The following COTL1 variants were observed in gnomAD, a reference collection of about 807,000 sequenced individuals.
COTL1 encodes the protein coactosin like F-actin binding protein 1, also known as coactosin-like protein.
Under a neutral mutation model 16.5 loss-of-function variants are expected in COTL1, and 15 were observed. The ratio of observed to expected loss-of-function variants is 0.91; its 90% confidence interval spans 0.61 to 1.40. The LOEUF (loss-of-function observed/expected upper bound fraction) is 1.40, where lower values mean the gene tolerates loss of function less well. Ranked by LOEUF, COTL1 falls within the 40% of genes most tolerant of loss-of-function variation. The pLI is 0.00. For missense variants in COTL1, 220 were observed against 201.5 expected (o/e 1.09, Z -0.56); for synonymous variants, 112 against 85.3 (o/e 1.31, Z -1.73).
chr16:84,571,691 C>T (rs1474456363), intron 3 of COTL1, among the ~76,000 whole-genome samples: 2 of 152,206 alleles, frequency 1.3e-5, no homozygotes, highest in African/African-American at 4.8e-5. Context: ...GTCACCTCAC[C>T]GGCAGACTGG....
In COTL1 at chr16:84,608,704, G is replaced by A. The variant is rs546721790; in HGVS notation, c.160+8797C>T. On this transcript the variant is annotated intron_variant, in intron 2 of 3. Coordinates refer to ENST00000262428, the MANE Select transcript of COTL1 (RefSeq NM_021149.5). ...GTGGATCGCTTGAGCCCAGGAGTTC[G>A]AGACCTGCCTGGACAACATAGTGAA... Among the ~76,000 whole-genome samples, 15 of 152,294 alleles carry A rather than the reference G, an allele frequency of 9.8e-5. No homozygotes were observed. In the East Asian group the frequency reaches 2.5e-3, roughly 25 times the overall value.
intron 3 of COTL1, chr16:84,576,402 CATTGT>C (rs1236231908): frequency 6.6e-6 from 1 of 152,178 alleles, no homozygotes; most frequent in Non-Finnish European, 1.5e-5. Flanking sequence ...AACTGATCTT[CATTGT>C]ATTGAAAGAC....
intron 2 of COTL1, among the ~76,000 whole-genome samples, chr16:84,610,467 G>A (rs185919935): frequency 6.2e-4 from 95 of 152,258 alleles, no homozygotes; most frequent in Non-Finnish European, 1.0e-3. Context: ...TGAGCTCCAA[G>A]CCCTCATTAT....
At chr16:84,614,974 T>C (rs1876969550) in intron 2 of COTL1, among the ~76,000 whole-genome samples, 1 of 152,176 alleles carries the variant, frequency 6.6e-6, no homozygotes, top group African/African-American at 2.4e-5. Flanking sequence ...GGGCCTCCGT[T>C]TCCTCATCTG....
At chr16:84,575,699 C>G (rs1019056213) in intron 3 of COTL1, 4 of 152,180 alleles carry the variant, frequency 2.6e-5, no homozygotes, top group Non-Finnish European at 5.9e-5. Flanking sequence ...CAGGTTTAAA[C>G]CCCAGCATGC....
intron 3 of COTL1, among the ~76,000 whole-genome samples, chr16:84,585,411 G>A (rs886565584): frequency 6.6e-6 from 1 of 151,294 alleles, no homozygotes; most frequent in African/African-American, 2.4e-5. Flanking sequence ...CAATGACCGT[G>A]CAATTAATTT....
intron 3 of COTL1, among the ~76,000 whole-genome samples, chr16:84,587,526 C>T (rs186902324): frequency 9.9e-4 from 151 of 152,248 alleles, no homozygotes; most frequent in African/African-American, 3.4e-3. Context: ...TAGTACATGA[C>T]GGTACACTTG....
At chr16:84,582,439 C>G (rs1368929712) in intron 3 of COTL1, among the ~76,000 whole-genome samples, 2 of 152,206 alleles carry the variant, frequency 1.3e-5, no homozygotes, top group African/African-American at 4.8e-5. Context: ...CCATGGCGCC[C>G]GGCCTCATTT....
intron 2 of COTL1, among the ~76,000 whole-genome samples, chr16:84,607,521 G>A (rs1392983564): frequency 6.6e-6 from 1 of 152,156 alleles, no homozygotes; most frequent in Non-Finnish European, 1.5e-5. Flanking sequence ...TACTCCCTCA[G>A]AGAGAAGATA....
At chr16:84,611,857 A>C (rs1177775395) in intron 2 of COTL1, among the ~76,000 whole-genome samples, 1 of 152,178 alleles carries the variant, frequency 6.6e-6, no homozygotes, top group Non-Finnish European at 1.5e-5. Flanking sequence ...CTGCCTCGCC[A>C]CACATACGTG....
At chr16:84,581,371 G>T (rs1048760699) in intron 3 of COTL1, among the ~76,000 whole-genome samples, 1 of 152,142 alleles carries the variant, frequency 6.6e-6, no homozygotes, top group Non-Finnish European at 1.5e-5. Flanking sequence ...AACAGTCTGT[G>T]GATGGTCCGC....
At chr16:84,584,327 C>T (rs1008990216) in intron 3 of COTL1, among the ~76,000 whole-genome samples, 1 of 152,258 alleles carries the variant, frequency 6.6e-6, no homozygotes, top group African/African-American at 2.4e-5. Flanking sequence ...GCCACAGACG[C>T]CTCTCAGTTT....
intron 3 of COTL1, among the ~76,000 whole-genome samples, chr16:84,573,314 G>C: frequency 6.6e-6 from 1 of 152,240 alleles, no homozygotes; most frequent in African/African-American, 2.4e-5. Flanking sequence ...GCCACACGTG[G>C]CCAGCAACAG....
Position 84,590,050 on chromosome 16 carries a change from C to G in COTL1, c.318+55G>C, listed in dbSNP as rs1001175391. The G allele has an allele frequency of 1.9e-6, 3 of 1,557,314 alleles. No homozygotes were observed. In the African/African-American group the frequency reaches 4.1e-5, roughly 21 times the overall value. On this transcript the variant is annotated intron_variant, in intron 3 of 3. Coordinates refer to ENST00000262428, the MANE Select transcript of COTL1 (RefSeq NM_021149.5). This position sits in a 1 kb window ranked among gnomAD's most constrained non-coding sequence, Gnocchi z 5.5. ...TCGAACCCAGCCCTCTCCCTCCTTG[C>G]AGGATGGTGACCCTTGGCGAGCTTT...
At position 84,613,062 on chromosome 16, in the gene COTL1, G is replaced by A. The variant is rs376348883; in HGVS notation, c.160+4439C>T. ...GCTGCCCAGGCTAGAGTACAACAGC[G>A]CGATCTCGGCTCACTGCAACCTCTG... On this transcript the variant is annotated intron_variant, in intron 2 of 3. Coordinates refer to ENST00000262428, the MANE Select transcript of COTL1 (RefSeq NM_021149.5). 1.3e-4 allele frequency among the ~76,000 whole-genome samples: 20 copies of A among 150,216 alleles called. No individual in the cohort carries two copies. The East Asian group carries it at 2.2e-3, about 16-fold the overall frequency.
rs947326161 is a variant in COTL1, at chr16:84,618,041, G to C, written c.-127C>G. 1.1e-5 allele frequency: 4 copies of C among 363,894 alleles called. No individual in the cohort carries two copies. Among genetic ancestry groups the C allele is most frequent in the Admixed American group, 6.0e-5 (1 of 16,564 alleles). 22.5% of individuals were successfully genotyped at this position (363,894 alleles called of 1,614,324 possible). ...CTGGCGGCGGTGGCGACGGCTACGC[G>C]GCGCCTGCAAGCTGCGAGCGCGGCG... is the stretch of plus-strand genomic sequence containing the variant. On this transcript the variant is annotated 5_prime_UTR_variant, in exon 1 of 4. Coordinates refer to ENST00000262428, the MANE Select transcript of COTL1 (RefSeq NM_021149.5).
At chr16:84,610,381 T>C (rs186652704) in intron 2 of COTL1, among the ~76,000 whole-genome samples, 1 of 152,350 alleles carries the variant, frequency 6.6e-6, no homozygotes, top group African/African-American at 2.4e-5. Flanking sequence ...GCACGTCACC[T>C]GTCTCCACTC....
At chr16:84,610,471 T>G (rs1174048437) in intron 2 of COTL1, among the ~76,000 whole-genome samples, 1 of 152,162 alleles carries the variant, frequency 6.6e-6, no homozygotes, top group East Asian at 1.9e-4. Context: ...CTCCAAGCCC[T>G]CATTATTCTT....
chr16:84,586,724 C>T (rs1313015190), intron 3 of COTL1, among the ~76,000 whole-genome samples: 1 of 152,120 alleles, frequency 6.6e-6, no homozygotes, highest in Non-Finnish European at 1.5e-5. Context: ...GCTGGGACTA[C>T]AGGCCACGTG....
Sources: allele counts gnomAD v4.1 joint callset (sites outside exome capture counted in the v4.1 genomes callset), GRCh38; gene constraint gnomAD v4.1.1; non-coding constraint Gnocchi (gnomAD v3.1); transcripts MANE v1.5; gene names NCBI Gene and HGNC (gene_info 2026-07-23, HGNC 2026-07-21).